Variants in KCNAB1 observed in about 807,000 individuals in gnomAD.
KCNAB1 encodes voltage-gated potassium channel subunit beta-1.
Under a neutral mutation model 64.6 loss-of-function variants are expected in KCNAB1, and 35 were observed. The ratio of observed to expected loss-of-function variants is 0.54; its 90% CI spans 0.41 to 0.72. The LOEUF (loss-of-function observed/expected upper bound fraction) is 0.72. KCNAB1 is among the 30% of genes least tolerant of loss of function. The pLI is 0.00. For synonymous variants in KCNAB1, 177 were observed against 183.8 expected, an observed-to-expected ratio of 0.96 and a Z score of 0.30; for missense variants, 401 against 512.9, an observed-to-expected ratio of 0.78 and a Z score of 2.11.
rs1413379640 is a variant in KCNAB1, at chr3:156,538,564, A to G, written c.*1817A>G. 1 of 152,194 alleles carries G rather than the reference A, an allele frequency of 6.6e-6. No individual in the cohort carries two copies. The highest frequency in any genetic ancestry group is 1.5e-5 in the Non-Finnish European group (1 of 68,008). The allele number at this position is 152,194 out of a possible 1,614,324, so 9.4% of individuals were successfully genotyped here. On this transcript the variant is annotated 3_prime_UTR_variant, in exon 14 of 14. Transcript: ENST00000490337. ...ATGGGAAATGTGATTTGATTGATTT[A>G]TTTGCTTAGAGTAATAAAAGCATTT...
chr3:156,313,573 G>T (rs1373742707), intron 1 of KCNAB1, among the ~76,000 whole-genome samples: 1 of 152,178 alleles, frequency 6.6e-6, no homozygotes, highest in Non-Finnish European at 1.5e-5. Context: ...TGGAAGAAGG[G>T]GCTGAGAGCC....
chr3:156,310,163 CA>C (rs1253838141), intron 1 of KCNAB1, among the ~76,000 whole-genome samples: 5 of 152,028 alleles, frequency 3.3e-5, no homozygotes, highest in Middle Eastern at 3.2e-3. Context: ...TAATCCTCCT[CA>C]AAAAAATGGG....
intron 1 of KCNAB1, among the ~76,000 whole-genome samples, chr3:156,370,137 A>C (rs1726208157): frequency 6.6e-6 from 1 of 152,202 alleles, no homozygotes; most frequent in Non-Finnish European, 1.5e-5. Flanking sequence ...ATGACAGTGA[A>C]TACAGCTACA....
intron 2 of KCNAB1, among the ~76,000 whole-genome samples, chr3:156,451,870 G>A (rs569516861): frequency 2.6e-5 from 4 of 152,028 alleles, no homozygotes; most frequent in South Asian, 2.1e-4. Context: ...TGTGAGACTC[G>A]ACCTAGCTGT....
chr3:156,175,425 C>A (rs1712290713), intron 1 of KCNAB1, among the ~76,000 whole-genome samples: 1 of 152,142 alleles, frequency 6.6e-6, no homozygotes, highest in Non-Finnish European at 1.5e-5. Context: ...TCGAGACCAT[C>A]CTGGCTAACA....
intron 1 of KCNAB1, among the ~76,000 whole-genome samples, chr3:156,171,696 G>A (rs1225073119): frequency 6.6e-6 from 1 of 152,100 alleles, no homozygotes; most frequent in Non-Finnish European, 1.5e-5. Flanking sequence ...TTATTTCAAG[G>A]GCTCTTCATT....
intron 7 of KCNAB1, among the ~76,000 whole-genome samples, chr3:156,474,336 T>C (rs1714176890): frequency 1.3e-5 from 2 of 152,232 alleles, no homozygotes; most frequent in Admixed American, 6.5e-5. Context: ...TCTAGCTCAC[T>C]ATAAGCCTAT....
At chr3:156,244,694 C>A (rs538675831) in intron 1 of KCNAB1, among the ~76,000 whole-genome samples, 1 of 152,292 alleles carries the variant, frequency 6.6e-6, no homozygotes, top group South Asian at 2.1e-4. Context: ...TAGATACACC[C>A]CCAATGTCAA....
chr3:156,203,833 G>A (rs1714489278), intron 1 of KCNAB1, among the ~76,000 whole-genome samples: 1 of 152,102 alleles, frequency 6.6e-6, no homozygotes, highest in Admixed American at 6.5e-5. Flanking sequence ...ATTTTCTAAA[G>A]TTTACTCTGT....
intron 1 of KCNAB1, among the ~76,000 whole-genome samples, chr3:156,344,841 C>T (rs1055237698): frequency 1.3e-5 from 2 of 152,166 alleles, no homozygotes; most frequent in African/African-American, 4.8e-5. Flanking sequence ...GTCCTATCTC[C>T]AGGAAAATGG....
chr3:156,268,420 T>A (rs1465117755), intron 1 of KCNAB1, among the ~76,000 whole-genome samples: 2 of 152,218 alleles, frequency 1.3e-5, no homozygotes, highest in Non-Finnish European at 2.9e-5. Context: ...ATAGTAGCTC[T>A]ATTTTTAGTT....
At chr3:156,523,698 T>C in intron 11 of KCNAB1, 129 bp from the exon 12 acceptor site, 1 of 782,286 alleles carries the variant, frequency 1.3e-6, no homozygotes, top group Admixed American at 2.3e-5. Flanking sequence ...ATCATCCCTG[T>C]CAGTGTGAAA....
intron 1 of KCNAB1, among the ~76,000 whole-genome samples, chr3:156,258,202 G>C (rs779430917): frequency 5.9e-5 from 9 of 152,144 alleles, no homozygotes; most frequent in Non-Finnish European, 1.5e-5. Flanking sequence ...ATGGAGCTGG[G>C]TCACATATAC....
intron 1 of KCNAB1, among the ~76,000 whole-genome samples, chr3:156,177,428 G>C (rs1712460434): frequency 6.6e-6 from 1 of 152,150 alleles, no homozygotes; most frequent in Admixed American, 6.5e-5. Context: ...CGAGGCTGGA[G>C]TGCAGCGGCG....
chr3:156,528,174 CAAA>C (rs3085733), intron 12 of KCNAB1, among the ~76,000 whole-genome samples: 55 of 140,644 alleles, frequency 3.9e-4, no homozygotes, highest in Admixed American at 2.3e-3. Context: ...ATAATGCAGT[CAAA>C]AAAAAAAAAA....
chr3:156,121,500 C>A (rs1713342844), intron 1 of KCNAB1, among the ~76,000 whole-genome samples: 1 of 152,190 alleles, frequency 6.6e-6, no homozygotes, highest in African/African-American at 2.4e-5. Context: ...GTTCTTTACT[C>A]AGCCTCAGCT....
intron 1 of KCNAB1, among the ~76,000 whole-genome samples, chr3:156,246,494 C>G (rs1417652478): frequency 6.6e-6 from 1 of 151,672 alleles, no homozygotes; most frequent in Non-Finnish European, 1.5e-5. Context: ...TCCCAGCTAC[C>G]TGGGAGGCTG....
At chr3:156,320,746 C>G (rs1167146614) in intron 1 of KCNAB1, among the ~76,000 whole-genome samples, 2 of 152,100 alleles carry the variant, frequency 1.3e-5, no homozygotes, top group Non-Finnish European at 2.9e-5. Context: ...GTCCAGTGGG[C>G]TTTGGGAAGC....
At chr3:156,429,807 C>A (rs775004205) in intron 2 of KCNAB1, among the ~76,000 whole-genome samples, 1 of 152,158 alleles carries the variant, frequency 6.6e-6, no homozygotes, top group Non-Finnish European at 1.5e-5. Flanking sequence ...TTTTAAAATG[C>A]AAGCTTTCCC....
Sources: gnomAD v4.1 joint callset for allele counts (sites outside exome capture counted in the v4.1 genomes callset) on GRCh38, gnomAD v4.1.1 for gene constraint, MANE v1.5 for transcripts, NCBI Gene and HGNC (gene_info 2026-07-23, HGNC 2026-07-21) for gene names.